ABTB3: variants seen among roughly 807,000 people sequenced by gnomAD.
The protein encoded by ABTB3 is ankyrin repeat and BTB domain containing 3.
chr12:107,362,848 AT>A, the ABTB3 span, among the ~76,000 whole-genome samples: 2 of 152,090 alleles, frequency 1.3e-5, no homozygotes, highest in African/African-American at 4.8e-5. Context: ...TTTTTCATGC[AT>A]CTTTTCTTTT....
chr12:107,613,585 A>T, the ABTB3 span, among the ~76,000 whole-genome samples: 1 of 152,166 alleles, frequency 6.6e-6, no homozygotes, highest in Admixed American at 6.5e-5. Context: ...GAACGGGAAA[A>T]TAATTGCACC....
the ABTB3 span, among the ~76,000 whole-genome samples, chr12:107,621,545 G>A: frequency 6.6e-6 from 1 of 152,210 alleles, no homozygotes; most frequent in African/African-American, 2.4e-5. Context: ...TGTGTATTAA[G>A]TAAAACTAAC....
At chr12:107,580,121 T>C in the ABTB3 span, among the ~76,000 whole-genome samples, 1 of 152,182 alleles carries the variant, frequency 6.6e-6, no homozygotes, top group Non-Finnish European at 1.5e-5. Context: ...AATCAGAAAC[T>C]CTGGGAATGA....
At chr12:107,323,295 C>G in the ABTB3 span, among the ~76,000 whole-genome samples, 1 of 152,188 alleles carries the variant, frequency 6.6e-6, no homozygotes, top group African/African-American at 2.4e-5. Context: ...GTTGCCCCTT[C>G]TTACTGCCAT....
chr12:107,474,924 A>G, the ABTB3 span, among the ~76,000 whole-genome samples: 42 of 152,250 alleles, frequency 2.8e-4, no homozygotes, highest in East Asian at 6.6e-3. Flanking sequence ...AACTGTTTTA[A>G]GGGACCAGTC....
At chr12:107,457,667 C>G in the ABTB3 span, among the ~76,000 whole-genome samples, 1 of 152,206 alleles carries the variant, frequency 6.6e-6, no homozygotes, top group South Asian at 2.1e-4. Context: ...TAACATGGCT[C>G]TCCTCAGCTT....
the ABTB3 span, among the ~76,000 whole-genome samples, chr12:107,413,134 C>T: frequency 3.3e-5 from 5 of 151,804 alleles, no homozygotes; most frequent in African/African-American, 4.8e-5. Flanking sequence ...ATTAGCCGGG[C>T]GTGGTGGTGG....
chr12:107,335,825 A>G, the ABTB3 span, among the ~76,000 whole-genome samples: 2 of 150,118 alleles, frequency 1.3e-5, no homozygotes, highest in Admixed American at 1.3e-4. Context: ...TGCGCTTGGA[A>G]CCTTTGCAGC....
the ABTB3 span, among the ~76,000 whole-genome samples, chr12:107,366,488 C>T: frequency 6.6e-6 from 1 of 152,172 alleles, no homozygotes; most frequent in Non-Finnish European, 1.5e-5. Flanking sequence ...AAGGTTCAGG[C>T]TTAGGAGAAA....
At chr12:107,355,604 C>T in the ABTB3 span, among the ~76,000 whole-genome samples, 2 of 152,248 alleles carry the variant, frequency 1.3e-5, no homozygotes, top group African/African-American at 2.4e-5. Context: ...ATTACAGGCT[C>T]AGGGAGAATA....
chr12:107,456,067 A>T, the ABTB3 span, among the ~76,000 whole-genome samples: 2 of 152,238 alleles, frequency 1.3e-5, no homozygotes, highest in East Asian at 3.8e-4. Context: ...TGGAATACAA[A>T]TGTATCATAA....
At chr12:107,443,734 TA>T in the ABTB3 span, among the ~76,000 whole-genome samples, 2 of 149,482 alleles carry the variant, frequency 1.3e-5, no homozygotes, top group Middle Eastern at 3.4e-3. Context: ...TAATCTAAGC[TA>T]TAGTCTGTGC....
At chr12:107,475,325 G>C in the ABTB3 span, among the ~76,000 whole-genome samples, 5 of 152,130 alleles carry the variant, frequency 3.3e-5, no homozygotes, top group Admixed American at 6.5e-5. Context: ...ATGACACCTA[G>C]GTCATCAAGT....
At chr12:107,474,965 G>T in the ABTB3 span, among the ~76,000 whole-genome samples, 1 of 152,104 alleles carries the variant, frequency 6.6e-6, no homozygotes, top group African/African-American at 2.4e-5. Context: ...CCATCAAAAA[G>T]GGGCTGAGCT....
At chr12:107,482,857 TTC>T in the ABTB3 span, among the ~76,000 whole-genome samples, 5 of 151,492 alleles carry the variant, frequency 3.3e-5, no homozygotes, top group Admixed American at 6.6e-5. Flanking sequence ...TCTTCTCTTG[TTC>T]TCTCTCTCTT....
At chr12:107,523,185 C>G in the ABTB3 span, among the ~76,000 whole-genome samples, 2 of 152,180 alleles carry the variant, frequency 1.3e-5, no homozygotes, top group African/African-American at 4.8e-5. Context: ...CCCAGATAGG[C>G]ACTCTCCATT....
At chr12:107,604,150 C>A in the ABTB3 span, among the ~76,000 whole-genome samples, 1,253 of 151,610 alleles carry the variant, frequency 8.3e-3, 24 homozygotes, top group African/African-American at 0.029. Flanking sequence ...GCCTGGGCGA[C>A]AGAGTGAGAC....
At chr12:107,382,467 A>C in the ABTB3 span, among the ~76,000 whole-genome samples, 1 of 152,130 alleles carries the variant, frequency 6.6e-6, no homozygotes, top group Admixed American at 6.5e-5. Flanking sequence ...TTTGTCTATT[A>C]TTGGTGTATA....
the ABTB3 span, among the ~76,000 whole-genome samples, chr12:107,332,502 T>C: frequency 0.77 from 117,102 of 152,032 alleles, 45,957 homozygotes; most frequent in African/African-American, 0.94. Context: ...TGGTTCTCGG[T>C]GCCTGTTCCT....
Sources: gnomAD v4.1 joint callset for allele counts (sites outside exome capture counted in the v4.1 genomes callset) on GRCh38, gnomAD v4.1.1 for gene constraint, MANE v1.5 for transcripts, NCBI Gene and HGNC (gene_info 2026-07-23, HGNC 2026-07-21) for gene names.